The following PCID2 variants were observed in gnomAD, a reference collection of about 807,000 sequenced individuals.
PCID2 encodes the protein PCI domain-containing protein 2.
A neutral mutation model predicts 61.3 loss-of-function variants in PCID2; 41 were observed. The observed-to-expected ratio is 0.67, with a 90% CI of 0.52 to 0.87. The LOEUF (loss-of-function observed/expected upper bound fraction) is 0.87, where lower values mean the gene tolerates loss of function less well. Ranked by LOEUF, PCID2 falls within the 40% of genes least tolerant of loss-of-function variation. The probability of loss-of-function intolerance (pLI) is 0.00; values close to 1 mark genes in which losing one functional copy is unlikely to be tolerated. For missense variants in PCID2, 392 were observed against 493.4 expected (o/e 0.79, Z 1.95); for synonymous variants, 187 against 177.8 (o/e 1.05, Z -0.41).
chr13:113,194,060 T>TA (rs1375249629), intron 6 of PCID2, among the ~76,000 whole-genome samples: 1 of 152,160 alleles, frequency 6.6e-6, no homozygotes, highest in Non-Finnish European at 1.5e-5. Flanking sequence ...TGCATCCCCT[T>TA]AGCCACTGAG....
chr13:113,185,357 G>T, intron 8 of PCID2, 128 bp downstream of exon 8: 1 of 694,798 alleles, frequency 1.4e-6, no homozygotes, highest in East Asian at 2.6e-5. Flanking sequence ...TTGCTATTAG[G>T]ACTAGGAATA....
intron 9 of PCID2, among the ~76,000 whole-genome samples, chr13:113,183,029 G>A (rs943574532): frequency 6.6e-6 from 1 of 152,146 alleles, no homozygotes; most frequent in Non-Finnish European, 1.5e-5. Flanking sequence ...AATCTCTGCA[G>A]ACATTTTATC....
chr13:113,170,516 T>C, the PCID2 span: 1 of 1,578,012 alleles, frequency 6.3e-7, no homozygotes, highest in Non-Finnish European at 8.7e-7. Flanking sequence ...CACAGGAATA[T>C]TACTGTAAAA....
intron 7 of PCID2, chr13:113,185,783 G>A (rs958622290): frequency 1.4e-5 from 6 of 421,798 alleles, no homozygotes; most frequent in Admixed American, 1.2e-4. Context: ...AACAAACCAG[G>A]AAAATCCCAA....
chr13:113,196,292 G>A (rs1037186565), intron 4 of PCID2, 70 bp from the exon 5 acceptor site: 27 of 1,227,712 alleles, frequency 2.2e-5, no homozygotes, highest in Admixed American at 5.4e-5. Flanking sequence ...TAAAGAATAA[G>A]AATCTAAATT....
At chr13:113,175,831 A>G (rs2138623508), downstream of PCID2, among the ~76,000 whole-genome samples, 1 of 152,340 alleles carries the variant, frequency 6.6e-6, no homozygotes, top group African/African-American at 2.4e-5. Context: ...GCAGGGCATA[A>G]AAGAGATCTG....
At chr13:113,201,607 C>A (rs1033659645) in intron 1 of PCID2, among the ~76,000 whole-genome samples, 4 of 151,950 alleles carry the variant, frequency 2.6e-5, no homozygotes, top group African/African-American at 9.7e-5. Flanking sequence ...GTCAGAAGAT[C>A]GAGACCCTCC....
chr13:113,197,189 G>A lies in PCID2; in HGVS notation c.255C>T (p.Thr85=), dbSNP rs774895664. 1.9e-5 allele frequency: 31 copies of A among 1,613,978 alleles called. No individual in the cohort carries two copies. Among genetic ancestry groups the A allele is most frequent in the African/African-American group, 4.0e-5 (3 of 74,910 alleles). ...ACGACAAAGGATATTGGACTATCACGGTCTGGCACTTGTATGCCTCTATGA... is the reference window on the plus strand; with the variant it reads ...ACGACAAAGGATATTGGACTATCACAGTCTGGCACTTGTATGCCTCTATGA... The part of the protein sequence containing the change: ...HDFIEAYKCQ[T]VIVQSFLRAF... The change falls in exon 4 of 14, where the codon ACC becomes ACT. Residue 85 remains threonine (T), a synonymous_variant. Coordinates refer to ENST00000337344, the MANE Select transcript of PCID2 (RefSeq NM_001127202.4).
chr13:113,171,875 G>A, the PCID2 span: 1 of 1,613,740 alleles, frequency 6.2e-7, no homozygotes, highest in East Asian at 2.2e-5. This position sits in a 1 kb window ranked among gnomAD's most constrained non-coding sequence, Gnocchi z 5.1. Flanking sequence ...TGTGGAGGGG[G>A]AGGAGTGCGG....
Position 113,177,981 on chromosome 13 carries a change from G to A in PCID2, c.*217C>T, listed in dbSNP as rs2037259294. 1 of 420,196 alleles carries A rather than the reference G, an allele frequency of 2.4e-6. No homozygotes were observed. The highest frequency in any genetic ancestry group is 4.1e-5 in the Admixed American group (1 of 24,184). The allele number at this position is 420,196 out of a possible 1,614,324, so 26.0% of individuals were successfully genotyped here. A position where few individuals can be genotyped will look rare whatever the true frequency, so the allele number is the denominator to read the frequency against. ...AGACTCCAGAACCAGCCGAGTCTGT[G>A]AAAAAGGAATTCCAGGTTTTCATCA... On this transcript the variant is annotated 3_prime_UTR_variant, in exon 14 of 14. Coordinates refer to ENST00000337344, the MANE Select transcript of PCID2 (RefSeq NM_001127202.4).
At chr13:113,203,401 A>G (rs1181943083) in intron 1 of PCID2, among the ~76,000 whole-genome samples, 1 of 152,198 alleles carries the variant, frequency 6.6e-6, no homozygotes, top group Non-Finnish European at 1.5e-5. Flanking sequence ...TATGGAAACT[A>G]AGTTTCTCTT....
At chr13:113,192,857 G>C (rs2038726529) in intron 6 of PCID2, among the ~76,000 whole-genome samples, 2 of 152,196 alleles carry the variant, frequency 1.3e-5, no homozygotes, top group South Asian at 4.1e-4. Flanking sequence ...AAGTGACGGT[G>C]TTTGGAAGAG....
Position 113,177,693 on chromosome 13 carries a change from G to A in PCID2, c.*505C>T, listed in dbSNP as rs1323517590. On this transcript the variant is annotated 3_prime_UTR_variant, in exon 14 of 14. Transcript: ENST00000337344. Reference sequence around the variant, plus strand: ...TCCATACAGGCAAGCTATAAAATCTGGAAAATTTAAATCAAATTAAATTCT... The same window carrying A: ...TCCATACAGGCAAGCTATAAAATCTAGAAAATTTAAATCAAATTAAATTCT... 6.6e-6 allele frequency: 1 copy of A among 152,114 alleles called. No homozygotes were observed. Among genetic ancestry groups the A allele is most frequent in the African/African-American group, 2.4e-5 (1 of 41,420 alleles). The allele number at this position is 152,114 out of a possible 1,614,324, so 9.4% of individuals were successfully genotyped here.
At chr13:113,170,969 C>T in the PCID2 span, among the ~76,000 whole-genome samples, 1 of 151,648 alleles carries the variant, frequency 6.6e-6, no homozygotes, top group Non-Finnish European at 1.5e-5. Flanking sequence ...ATCCCTCAGG[C>T]TGGAGTGCAG....
Position 113,196,294 on chromosome 13 carries a change from A to C in PCID2, c.267-72T>G, listed in dbSNP as rs2138863432. 8.2e-6 allele frequency: 10 copies of C among 1,222,142 alleles called. 1 individual carries two copies. Among genetic ancestry groups the C allele is most frequent in the Middle Eastern group, 2.0e-4 (1 of 5,070 alleles). 75.7% of individuals were successfully genotyped at this position (1,222,142 alleles called of 1,614,324 possible). ...CGTACGATAAAAGTAAAGAATAAGA[A>C]TCTAAATTTTAAGGAATGTAGATCA... On this transcript the variant is annotated intron_variant, in intron 4 of 13. Coordinates refer to ENST00000337344, the MANE Select transcript of PCID2 (RefSeq NM_001127202.4).
Position 113,195,121 on chromosome 13 carries a change from G to C in PCID2, c.313C>G (p.Leu105Val). ...AGCGCTACTGCATACATGACAGGCAGAGCCCTGCAGGGCAAAAAAGTAAAC... is the reference window on the plus strand; with the variant it reads ...AGCGCTACTGCATACATGACAGGCACAGCCCTGCAGGGCAAAAAAGTAAAC... ...FQAHKEENWA[L>V]PVMYAVALDL... The change falls in exon 6 of 14, where the codon CTG (leucine) becomes GTG (valine). Residue 105 changes from leucine to valine, a missense_variant. Around this residue, in one of 3 missense-constraint regions of PCID2, gnomAD observed 155 missense variants for 164.9 expected, o/e 0.94. Coordinates refer to ENST00000337344, the MANE Select transcript of PCID2 (RefSeq NM_001127202.4). The C allele has an allele frequency of 6.2e-7, 1 of 1,609,076 alleles. No individual in the cohort carries two copies. Among genetic ancestry groups the C allele is most frequent in the East Asian group, 2.2e-5 (1 of 44,862 alleles).
rs367939720 is a variant in PCID2, at chr13:113,208,026, G to A, written c.36+573C>T. ...TTAACTGTGCTTCTGCTACTTACAA[G>A]CTGTTGAACAACATCTGTCAGACGC... On this transcript the variant is annotated intron_variant, in intron 1 of 13. Coordinates refer to ENST00000337344, the MANE Select transcript of PCID2 (RefSeq NM_001127202.4). 39 of 1,612,058 alleles carry A rather than the reference G, an allele frequency of 2.4e-5. No homozygotes were observed. The African/African-American group carries it at 4.7e-4, about 19-fold the overall frequency.
At chr13:113,202,994 A>C (rs113633251) in intron 1 of PCID2, among the ~76,000 whole-genome samples, 2,762 of 152,336 alleles carry the variant, frequency 0.018, 81 homozygotes, top group African/African-American at 0.062. Flanking sequence ...CAAAAACAAA[A>C]CAAAAAAAAT....
the PCID2 span, chr13:113,172,290 T>G: frequency 7.0e-6 from 5 of 716,948 alleles, no homozygotes; most frequent in East Asian, 1.4e-4. Flanking sequence ...CACTGTGACC[T>G]TTCTTTCCCT....
Sources: gnomAD v4.1 joint callset for allele counts (sites outside exome capture counted in the v4.1 genomes callset) on GRCh38, gnomAD v4.1.1 for gene constraint, gnomAD v4.1.1 regional missense constraint, Gnocchi (gnomAD v3.1) non-coding constraint, MANE v1.5 for transcripts, NCBI Gene and HGNC (gene_info 2026-07-23, HGNC 2026-07-21) for gene names.